Variants in SNTB1 observed in about 807,000 individuals in gnomAD.
The protein encoded by SNTB1 is beta-1-syntrophin.
In SNTB1, 36 loss-of-function variants were observed where a neutral mutation model predicts 48.9. That is an observed-to-expected ratio of 0.74 (90% CI 0.56 to 0.97). The LOEUF (loss-of-function observed/expected upper bound fraction) is 0.97. Ranked by LOEUF, SNTB1 falls within the 50% of genes least tolerant of loss-of-function variation. The pLI is 0.00. For synonymous variants in SNTB1, 299 were observed against 294.6 expected (o/e 1.01, Z -0.15); for missense variants, 786 against 703.4 (o/e 1.12, Z -1.33).
chr8:120,614,018 C>T (rs1816668518), intron 3 of SNTB1, among the ~76,000 whole-genome samples: 1 of 152,186 alleles, frequency 6.6e-6, no homozygotes, highest in Non-Finnish European at 1.5e-5. Flanking sequence ...CTCAGAGAGA[C>T]TGTCAGTGGT....
At chr8:120,702,673 T>G (rs1011702327) in intron 1 of SNTB1, among the ~76,000 whole-genome samples, 3 of 152,182 alleles carry the variant, frequency 2.0e-5, no homozygotes, top group Non-Finnish European at 4.4e-5. Context: ...CTGATCAGCT[T>G]ACAAATATTT....
At chr8:120,589,950 A>C (rs1244489719) in intron 3 of SNTB1, among the ~76,000 whole-genome samples, 3 of 152,182 alleles carry the variant, frequency 2.0e-5, no homozygotes, top group Non-Finnish European at 2.9e-5. Context: ...AGAAGTGATA[A>C]TATATCCAAC....
chr8:120,678,965 C>T (rs939887302), intron 2 of SNTB1, among the ~76,000 whole-genome samples: 5 of 152,208 alleles, frequency 3.3e-5, no homozygotes, highest in African/African-American at 1.2e-4. Context: ...TACTGACCTA[C>T]CTCCAACCCC....
At chr8:120,638,549 C>T (rs774152256) in intron 2 of SNTB1, among the ~76,000 whole-genome samples, 48 of 152,206 alleles carry the variant, frequency 3.2e-4, no homozygotes, top group Non-Finnish European at 5.9e-4. Flanking sequence ...ATGCTATCCC[C>T]TCCTCACTCC....
intron 1 of SNTB1, among the ~76,000 whole-genome samples, chr8:120,784,965 C>T (rs145065933): frequency 5.1e-4 from 78 of 152,240 alleles, no homozygotes; most frequent in African/African-American, 1.8e-3. Flanking sequence ...CTCAACCCTA[C>T]TAAGTGCTGG....
At chr8:120,607,161 G>A (rs922824870) in intron 3 of SNTB1, among the ~76,000 whole-genome samples, 1 of 152,086 alleles carries the variant, frequency 6.6e-6, no homozygotes, top group African/African-American at 2.4e-5. Flanking sequence ...AAGATTCCAA[G>A]TATAATAGTC....
chr8:120,641,849 T>A (rs1817201782), intron 2 of SNTB1, among the ~76,000 whole-genome samples: 1 of 152,230 alleles, frequency 6.6e-6, no homozygotes, highest in African/African-American at 2.4e-5. Flanking sequence ...TGGATTACTT[T>A]TGCCTCAGGC....
chr8:120,655,412 C>A (rs1817484211), intron 2 of SNTB1, among the ~76,000 whole-genome samples: 1 of 152,186 alleles, frequency 6.6e-6, no homozygotes. Context: ...ACTCCACCAC[C>A]ATACTTGTTC....
At chr8:120,566,254 G>A (rs182314078) in intron 4 of SNTB1, among the ~76,000 whole-genome samples, 37 of 151,240 alleles carry the variant, frequency 2.4e-4, no homozygotes, top group African/African-American at 8.0e-4. Context: ...ACTTGAACCC[G>A]GGAGGTGGAG....
chr8:120,714,220 C>T (rs1282041419), intron 1 of SNTB1, among the ~76,000 whole-genome samples: 1 of 152,162 alleles, frequency 6.6e-6, no homozygotes, highest in Non-Finnish European at 1.5e-5. Context: ...CTCTCTTTTG[C>T]CCACCACAGA....
chr8:120,690,285 T>C (rs568965840), intron 2 of SNTB1, among the ~76,000 whole-genome samples: 2 of 152,332 alleles, frequency 1.3e-5, no homozygotes, highest in African/African-American at 2.4e-5. Flanking sequence ...CAGGCATCTA[T>C]TGGGGGTCCT....
At chr8:120,565,070 T>C (rs1162909389) in intron 4 of SNTB1, among the ~76,000 whole-genome samples, 1 of 152,176 alleles carries the variant, frequency 6.6e-6, no homozygotes, top group Non-Finnish European at 1.5e-5. Context: ...TGGAGACATT[T>C]TGTTGGCTTA....
rs200773638 is a variant in SNTB1, at chr8:120,811,459, C to A, written c.385G>T (p.Gly129Trp). ...ELGGLGISIK[G>W]GKENKMPILI... is the part of the protein sequence containing the mutation. ...ATGGGCATCTTGTTCTCCTTGCCCC[C>A]CTTGATGCTGATCCCCAGCCCGCCC... Residue 129 changes from glycine (G) to tryptophan (W), a missense_variant, in exon 1 of 7, where the codon GGG becomes TGG. Coordinates refer to ENST00000517992, the MANE Select transcript of SNTB1 (RefSeq NM_021021.4). 1.9e-6 allele frequency: 3 copies of A among 1,613,914 alleles called. No homozygotes were observed. The highest frequency in any genetic ancestry group is 2.5e-6 in the Non-Finnish European group (3 of 1,179,926).
chr8:120,779,138 A>C (rs912539880), intron 1 of SNTB1, among the ~76,000 whole-genome samples: 1 of 152,208 alleles, frequency 6.6e-6, no homozygotes, highest in Non-Finnish European at 1.5e-5. Context: ...TAGTCATAGG[A>C]TCTAATCAAG....
chr8:120,658,962 C>CTT (rs1157017590), intron 2 of SNTB1, among the ~76,000 whole-genome samples: 2 of 145,648 alleles, frequency 1.4e-5, no homozygotes, highest in Admixed American at 6.9e-5. Flanking sequence ...ATGTGATATT[C>CTT]TTTTTTTTTT....
At chr8:120,789,338 A>G (rs1002008826) in intron 1 of SNTB1, among the ~76,000 whole-genome samples, 9 of 151,886 alleles carry the variant, frequency 5.9e-5, no homozygotes, top group African/African-American at 1.9e-4. Flanking sequence ...GGAAGTAGAA[A>G]AAAAAAGAAC....
At chr8:120,590,723 T>C (rs1047290463) in intron 3 of SNTB1, among the ~76,000 whole-genome samples, 5 of 148,406 alleles carry the variant, frequency 3.4e-5, no homozygotes, top group African/African-American at 1.2e-4. Context: ...CTCTGTAGTC[T>C]AGGCTGGAGT....
At position 120,536,775 on chromosome 8, in the gene SNTB1, G is replaced by A. The variant is rs1433442551; in HGVS notation, c.*2102C>T. On this transcript the variant is annotated 3_prime_UTR_variant, in exon 7 of 7. Coordinates refer to ENST00000517992, the MANE Select transcript of SNTB1 (RefSeq NM_021021.4). ...ATCAGCCCAAAGCTTAAGTGATAAA[G>A]AAATCATATTTGTAATTATGATCAT... The A allele has an allele frequency of 2.0e-5, 3 of 151,970 alleles. No homozygotes were observed. Among genetic ancestry groups the A allele is most frequent in the Non-Finnish European group, 4.4e-5 (3 of 67,966 alleles). 9.4% of individuals were successfully genotyped at this position (151,970 alleles called of 1,614,324 possible). A position where few individuals can be genotyped will look rare whatever the true frequency, so the allele number is the denominator to read the frequency against.
chr8:120,777,286 A>G (rs916162514), intron 1 of SNTB1, among the ~76,000 whole-genome samples: 2 of 152,178 alleles, frequency 1.3e-5, no homozygotes, highest in African/African-American at 2.4e-5. Flanking sequence ...ATGCATCACA[A>G]TCTTGACACT....
Sources: allele counts gnomAD v4.1 joint callset (sites outside exome capture counted in the v4.1 genomes callset), GRCh38; gene constraint gnomAD v4.1.1; transcripts MANE v1.5; gene names NCBI Gene and HGNC (gene_info 2026-07-23, HGNC 2026-07-21).